The following KALRN variants were observed in gnomAD, a reference collection of about 807,000 sequenced individuals.
KALRN encodes kalirin RhoGEF kinase, also known as kalirin.
Under a neutral mutation model 353.7 loss-of-function variants are expected in KALRN, and 70 were observed. The observed-to-expected ratio is 0.20, with a 90% CI of 0.16 to 0.24. The LOEUF is 0.24. KALRN is among the 10% of genes least tolerant of loss of function. The pLI is 1.00. For missense variants in KALRN, 2,791 were observed against 3,756.7 expected (o/e 0.74, Z 6.72); for synonymous variants, 1,391 against 1,434.8 (o/e 0.97, Z 0.69).
chr3:124,177,993 C>T lies in KALRN; in HGVS notation c.74-49997C>T, dbSNP rs545817011. ...ACTTGCATCAGTGCCACCTGGGCTG[C>T]TCTTTCAAAGGGCAGAAACCCGGGT... On this transcript the variant is annotated intron_variant, in intron 1 of 59. Coordinates refer to ENST00000682506, the MANE Select transcript of KALRN (RefSeq NM_001388419.1). 3.3e-5 allele frequency among the ~76,000 whole-genome samples: 5 copies of T among 152,284 alleles called. No individual in the cohort carries two copies. In the East Asian group the frequency reaches 9.7e-4, roughly 29 times the overall value.
At chr3:124,673,457 AT>A (rs2086742667) in intron 48 of KALRN, among the ~76,000 whole-genome samples, 1 of 150,404 alleles carries the variant, frequency 6.6e-6, no homozygotes, top group Non-Finnish European at 1.5e-5. Flanking sequence ...TAGAATATAT[AT>A]GTATATCCTG....
chr3:124,476,816 G>A (rs1157871820), intron 26 of KALRN, among the ~76,000 whole-genome samples: 1 of 152,180 alleles, frequency 6.6e-6, no homozygotes, highest in African/African-American at 2.4e-5. Context: ...AGTACAAGCA[G>A]ATCTACCTCT....
intron 14 of KALRN, among the ~76,000 whole-genome samples, chr3:124,416,143 T>G (rs1032167194): frequency 6.6e-6 from 1 of 152,204 alleles, no homozygotes; most frequent in Non-Finnish European, 1.5e-5. Context: ...TATGCAGGGA[T>G]GCTCACCCTT....
chr3:124,521,554 A>T (rs1037601025), intron 33 of KALRN, among the ~76,000 whole-genome samples: 1 of 152,222 alleles, frequency 6.6e-6, no homozygotes, highest in Non-Finnish European at 1.5e-5. Context: ...CTGCATATCC[A>T]TAATAGACTG....
At chr3:124,248,226 G>T (rs907113317) in intron 3 of KALRN, among the ~76,000 whole-genome samples, 1 of 151,990 alleles carries the variant, frequency 6.6e-6, no homozygotes, top group African/African-American at 2.4e-5. Flanking sequence ...TAGACTGGAG[G>T]CTCCCCAAGG....
chr3:124,655,990 A>G (rs1393758031), intron 39 of KALRN, among the ~76,000 whole-genome samples: 4 of 152,302 alleles, frequency 2.6e-5, no homozygotes, highest in Non-Finnish European at 5.9e-5. Flanking sequence ...AACTATGTGG[A>G]CATATATTCT....
chr3:124,504,925 G>A (rs1363955101), intron 33 of KALRN: 1 of 508,828 alleles, frequency 2.0e-6, no homozygotes. Context: ...ATTAGCTGGA[G>A]ACAGTCCAAG....
chr3:124,233,353 A>G (rs1368171722), intron 2 of KALRN, among the ~76,000 whole-genome samples: 2 of 152,194 alleles, frequency 1.3e-5, no homozygotes, highest in African/African-American at 4.8e-5. Context: ...TGTGGAAGGC[A>G]ATGGAGAGAT....
chr3:124,660,641 A>G (rs67948135), intron 43 of KALRN, among the ~76,000 whole-genome samples: 23,299 of 145,810 alleles, frequency 0.16, 1,956 homozygotes, highest in African/African-American at 0.22. Flanking sequence ...AAATTGCACC[A>G]CTGCACTCCA....
intron 34 of KALRN, among the ~76,000 whole-genome samples, chr3:124,603,351 G>C (rs2077006686): frequency 6.6e-6 from 1 of 152,140 alleles, no homozygotes; most frequent in Non-Finnish European, 1.5e-5. Context: ...GGTAGCCTTG[G>C]CAGCCTCTAA....
intron 34 of KALRN, among the ~76,000 whole-genome samples, chr3:124,617,469 A>G (rs2078742749): frequency 6.6e-6 from 1 of 152,266 alleles, no homozygotes; most frequent in Non-Finnish European, 1.5e-5. Context: ...AGGTATTCAG[A>G]GCAAAAGGAG....
chr3:124,551,906 G>T (rs2070586608), intron 33 of KALRN, among the ~76,000 whole-genome samples: 1 of 152,210 alleles, frequency 6.6e-6, no homozygotes, highest in Non-Finnish European at 1.5e-5. Flanking sequence ...GGATGAGGAG[G>T]CTGGACTCAT....
chr3:124,284,654 C>T (rs748297745), intron 5 of KALRN, among the ~76,000 whole-genome samples: 15 of 152,250 alleles, frequency 9.9e-5, no homozygotes, highest in Non-Finnish European at 1.8e-4. Context: ...TTTTATCACC[C>T]GTGTCTAACC....
intron 19 of KALRN, among the ~76,000 whole-genome samples, chr3:124,444,847 GA>G (rs1179665973): frequency 2.0e-5 from 3 of 148,798 alleles, no homozygotes; most frequent in African/African-American, 4.9e-5. Flanking sequence ...GAGAGAGAAA[GA>G]AAAAAAAGCA....
intron 57 of KALRN, among the ~76,000 whole-genome samples, chr3:124,709,191 A>G (rs1232676910): frequency 6.6e-6 from 1 of 152,250 alleles, no homozygotes; most frequent in Non-Finnish European, 1.5e-5. Flanking sequence ...TAGATAAAAG[A>G]TAATATTGAA....
chr3:124,326,028 T>A lies in KALRN; in HGVS notation c.1141T>A (p.Ser381Thr). ...CATCATGTCCGTGGCTTCCCGCCTC[T>A]CTGAGGCCGGTCATTATGCCTCACA... The part of the protein sequence containing the change: ...NRIMSVASRL[S>T]EAGHYASQQI... Residue 381 changes from serine (S) to threonine (T), a missense_variant, in exon 7 of 60, where the codon TCT (serine) becomes ACT (threonine). Ser to Thr is a moderately conservative substitution (Grantham distance 58). This residue lies in a region of KALRN where 366 missense variants were observed against 489.2 expected (regional missense o/e 0.75). Coordinates refer to ENST00000682506, the MANE Select transcript of KALRN (RefSeq NM_001388419.1). 2 of 1,613,744 alleles carry A rather than the reference T, an allele frequency of 1.2e-6. No individual in the cohort carries two copies. Among genetic ancestry groups the A allele is most frequent in the Non-Finnish European group, 1.7e-6 (2 of 1,179,784 alleles).
intron 13 of KALRN, among the ~76,000 whole-genome samples, chr3:124,412,448 C>T (rs1318100346): frequency 1.3e-5 from 2 of 152,148 alleles, no homozygotes; most frequent in East Asian, 1.9e-4. Flanking sequence ...GGGGTGTCAT[C>T]GGGGTAGCAT....
intron 57 of KALRN, among the ~76,000 whole-genome samples, chr3:124,704,683 G>T (rs1476440052): frequency 6.6e-6 from 1 of 152,102 alleles, no homozygotes; most frequent in South Asian, 2.1e-4. Flanking sequence ...AAGTAGCTGG[G>T]ACTACAGGCG....
In KALRN at chr3:124,314,499, T is replaced by TA. The variant is rs779276957; in HGVS notation, c.1093-11481_1093-11480insA. 3.7e-3 allele frequency among the ~76,000 whole-genome samples: 554 copies of TA among 150,460 alleles called. 1 individual carries two copies. The highest frequency in any genetic ancestry group is 5.8e-3 in the Non-Finnish European group (388 of 67,420). On this transcript the variant is annotated intron_variant, in intron 6 of 59. Coordinates refer to ENST00000682506, the MANE Select transcript of KALRN (RefSeq NM_001388419.1). Reference sequence around the variant, plus strand: ...ATATACCCTGGAACTTAAAGTATATTTAAAAAAAAAGAATACCTGAATCTG... The same window carrying TA: ...ATATACCCTGGAACTTAAAGTATATTATAAAAAAAAAGAATACCTGAATCTG...
Sources: allele counts gnomAD v4.1 joint callset (sites outside exome capture counted in the v4.1 genomes callset), GRCh38; gene constraint gnomAD v4.1.1; regional missense constraint gnomAD v4.1.1; transcripts MANE v1.5; gene names NCBI Gene and HGNC (gene_info 2026-07-23, HGNC 2026-07-21).